Variants in NEURL1B observed in about 807,000 individuals in gnomAD.
NEURL1B encodes E3 ubiquitin-protein ligase NEURL1B.
A neutral mutation model predicts 37.4 loss-of-function variants in NEURL1B; 13 were observed. That is an observed-to-expected ratio of 0.35 (90% CI 0.23 to 0.55). The LOEUF is 0.55. Ranked by LOEUF, NEURL1B falls within the 20% of genes least tolerant of loss-of-function variation. The probability of loss-of-function intolerance (pLI) is 0.89; values close to 1 mark genes in which losing one functional copy is unlikely to be tolerated. For missense variants in NEURL1B, 790 were observed against 879.2 expected (o/e 0.90, Z 1.28); for synonymous variants, 432 against 426.6 (o/e 1.01, Z -0.16).
At chr5:172,667,461 A>G (rs1055344630) in intron 1 of NEURL1B, among the ~76,000 whole-genome samples, 6 of 151,878 alleles carry the variant, frequency 4.0e-5, no homozygotes, top group African/African-American at 1.5e-4. Context: ...AAAAAAGAAA[A>G]GATCCAAAAG....
intron 2 of NEURL1B, among the ~76,000 whole-genome samples, chr5:172,681,821 T>C (rs182888285): frequency 1.3e-5 from 2 of 152,370 alleles, no homozygotes; most frequent in Admixed American, 6.5e-5. Flanking sequence ...CAAGACACTA[T>C]AGAATGGTAA....
intron 1 of NEURL1B, among the ~76,000 whole-genome samples, chr5:172,662,453 T>A (rs1757920423): frequency 1.3e-5 from 2 of 152,202 alleles, no homozygotes; most frequent in Admixed American, 1.3e-4. Flanking sequence ...TTGGACTTGT[T>A]ATTTCCCATG....
At position 172,676,204 on chromosome 5, in the gene NEURL1B, C is replaced by T. The variant is rs1758230707; in HGVS notation, c.577+5874C>T. On this transcript the variant is annotated intron_variant, in intron 2 of 4. Coordinates refer to ENST00000369800, the MANE Select transcript of NEURL1B (RefSeq NM_001142651.3). This position sits in a 1 kb window ranked among gnomAD's most constrained non-coding sequence, Gnocchi z 4.5. ...TAATGTCTCATGTGGCTGAAAATTCCTGGGAATGGTTGCCTTTAAGCCTGG... is the reference window on the plus strand; with the variant it reads ...TAATGTCTCATGTGGCTGAAAATTCTTGGGAATGGTTGCCTTTAAGCCTGG... 6.6e-6 allele frequency among the ~76,000 whole-genome samples: 1 copy of T among 151,870 alleles called. No homozygotes were observed. The highest frequency in any genetic ancestry group is 1.5e-5 in the Non-Finnish European group (1 of 67,984).
At position 172,687,140 on chromosome 5, in the gene NEURL1B, A is replaced by G; in HGVS notation, c.*215A>G. On this transcript the variant is annotated 3_prime_UTR_variant, in exon 5 of 5. Transcript: ENST00000369800. ...TGCTTTGCCCCCAAAAGGCCGTCCC[A>G]AGAGCAAGCTCAGGAACTGCCTGGC... 1.8e-6 allele frequency: 1 copy of G among 570,820 alleles called. No individual in the cohort carries two copies. The highest frequency in any genetic ancestry group is 2.3e-5 in the South Asian group (1 of 43,638). The allele number at this position is 570,820 out of a possible 1,614,324, so 35.4% of individuals were successfully genotyped here. A position where few individuals can be genotyped will look rare whatever the true frequency, so the allele number is the denominator to read the frequency against.
Position 172,641,293 on chromosome 5 carries a change from C to T in NEURL1B, c.-114C>T, listed in dbSNP as rs898918808. 6.2e-6 allele frequency: 6 copies of T among 962,346 alleles called. No homozygotes were observed. In the East Asian group the frequency reaches 2.1e-4, roughly 34 times the overall value. 59.6% of individuals were successfully genotyped at this position (962,346 alleles called of 1,614,324 possible). On this transcript the variant is annotated 5_prime_UTR_variant, in exon 1 of 5. Transcript: ENST00000369800. This position sits in a 1 kb window ranked among gnomAD's most constrained non-coding sequence, Gnocchi z 6.4. ...CCCAGCTGCCGCCCGCCGGCTCGCC[C>T]GTGCAGCTGCGATGCCCCGGAGCGT...
chr5:172,673,364 G>A (rs1408530197), intron 2 of NEURL1B, among the ~76,000 whole-genome samples: 2 of 152,126 alleles, frequency 1.3e-5, no homozygotes, highest in Non-Finnish European at 2.9e-5. Flanking sequence ...TGAGCACTCT[G>A]AACTCCTTTC....
Position 172,647,312 on chromosome 5 carries a change from G to A in NEURL1B, c.31+5875G>A, listed in dbSNP as rs1241993565. ...CACGCTCACCTGGGCAGTGTCGCGG[G>A]GTGGTCCGAGCTTCTGCACACCTGC... On this transcript the variant is annotated intron_variant, in intron 1 of 4. Transcript: ENST00000369800. This position sits in a 1 kb window ranked among gnomAD's most constrained non-coding sequence, Gnocchi z 4.2. 2.0e-5 allele frequency among the ~76,000 whole-genome samples: 3 copies of A among 152,148 alleles called. No individual in the cohort carries two copies. In the East Asian group the frequency reaches 5.8e-4, roughly 29 times the overall value.
At chr5:172,685,702 G>A (rs574512252) in intron 3 of NEURL1B, among the ~76,000 whole-genome samples, 19 of 152,360 alleles carry the variant, frequency 1.2e-4, no homozygotes, top group African/African-American at 4.3e-4. Flanking sequence ...TTGCCTCTGT[G>A]TTGGCATCAC....
Position 172,683,413 on chromosome 5 carries a change from G to A in NEURL1B, c.578-6G>A, listed in dbSNP as rs765554936. The A allele has an allele frequency of 7.4e-6, 10 of 1,346,536 alleles. No homozygotes were observed. Among genetic ancestry groups the A allele is most frequent in the Non-Finnish European group, 9.6e-6 (10 of 1,043,038 alleles). The allele number at this position is 1,346,536 out of a possible 1,614,324, so 83.4% of individuals were successfully genotyped here. Reference sequence around the variant, plus strand: ...CCCCTCCATGTCCCTCCCTTTGTCCGCACAGAGAGCGCCTTCGCTGACACG... The same window carrying A: ...CCCCTCCATGTCCCTCCCTTTGTCCACACAGAGAGCGCCTTCGCTGACACG... On this transcript the variant is annotated splice_region_variant and splice_polypyrimidine_tract_variant and intron_variant, in intron 2 of 4. Coordinates refer to ENST00000369800, the MANE Select transcript of NEURL1B (RefSeq NM_001142651.3). This position sits in a 1 kb window ranked among gnomAD's most constrained non-coding sequence, Gnocchi z 5.6.
chr5:172,683,391 C>G lies in NEURL1B; in HGVS notation c.578-28C>G, dbSNP rs928994296. Reference sequence around the variant, plus strand: ...CCAGCCTGACGCGCGGCCTCTCCCCCTCCATGTCCCTCCCTTTGTCCGCAC... The same window carrying G: ...CCAGCCTGACGCGCGGCCTCTCCCCGTCCATGTCCCTCCCTTTGTCCGCAC... On this transcript the variant is annotated intron_variant, in intron 2 of 4. Coordinates refer to ENST00000369800, the MANE Select transcript of NEURL1B (RefSeq NM_001142651.3). The surrounding 1 kb of genome is among the most constrained non-coding windows in gnomAD (Gnocchi z 5.6). 2.3e-5 allele frequency: 30 copies of G among 1,297,654 alleles called. No homozygotes were observed. Among genetic ancestry groups the G allele is most frequent in the African/African-American group, 1.1e-4 (7 of 65,114 alleles). The allele number at this position is 1,297,654 out of a possible 1,614,324, so 80.4% of individuals were successfully genotyped here. A position where few individuals can be genotyped will look rare whatever the true frequency, so the allele number is the denominator to read the frequency against.
chr5:172,671,624 G>A (rs1479616005), intron 2 of NEURL1B, among the ~76,000 whole-genome samples: 1 of 152,238 alleles, frequency 6.6e-6, no homozygotes, highest in Non-Finnish European at 1.5e-5. Context: ...CATTGTTCCT[G>A]TATCAGTAGT....
At chr5:172,680,775 A>G (rs1758336154) in intron 2 of NEURL1B, among the ~76,000 whole-genome samples, 1 of 152,200 alleles carries the variant, frequency 6.6e-6, no homozygotes, top group South Asian at 2.1e-4. Context: ...TCAGTTTTGA[A>G]TGTTTTGTTC....
In NEURL1B at chr5:172,647,049, T is replaced by C. The variant is rs550558077; in HGVS notation, c.31+5612T>C. On this transcript the variant is annotated intron_variant, in intron 1 of 4. Transcript: ENST00000369800. The surrounding 1 kb of genome is among the most constrained non-coding windows in gnomAD (Gnocchi z 4.2). ...TCCCAACCGGGATAATGTGCTGTGT[T>C]TGCCAGCAGGGGCGTAGCATTTTCC... Among the ~76,000 whole-genome samples, 1 of 152,280 alleles carries C rather than the reference T, an allele frequency of 6.6e-6. No individual in the cohort carries two copies. Among genetic ancestry groups the C allele is most frequent in the Admixed American group, 6.5e-5 (1 of 15,300 alleles).
intron 2 of NEURL1B, 21 bp downstream of exon 2, chr5:172,670,351 C>A: frequency 7.5e-7 from 1 of 1,339,318 alleles, no homozygotes; most frequent in Non-Finnish European, 9.5e-7. Flanking sequence ...GGCGCGGCGC[C>A]CCCTGGGGAC....
intron 1 of NEURL1B, among the ~76,000 whole-genome samples, chr5:172,642,994 A>G (rs1008391855): frequency 1.3e-5 from 2 of 152,224 alleles, no homozygotes; most frequent in African/African-American, 2.4e-5. Context: ...TGTTTATACT[A>G]TTCTAGTAAA....
At position 172,676,474 on chromosome 5, in the gene NEURL1B, T is replaced by A. The variant is rs7713493; in HGVS notation, c.577+6144T>A. Among the ~76,000 whole-genome samples, 930 of 152,350 alleles carry A rather than the reference T, an allele frequency of 6.1e-3. 3 individuals are homozygous for A. The highest frequency in any genetic ancestry group is 0.021 in the African/African-American group (885 of 41,580). Reference sequence around the variant, plus strand: ...GGATCTGGCCTGGGTCACATGCCTATCCTTGAACCCATCTCCATGGCCAGG... The same window carrying A: ...GGATCTGGCCTGGGTCACATGCCTAACCTTGAACCCATCTCCATGGCCAGG... On this transcript the variant is annotated intron_variant, in intron 2 of 4. Transcript: ENST00000369800. This position sits in a 1 kb window ranked among gnomAD's most constrained non-coding sequence, Gnocchi z 4.5.
intron 1 of NEURL1B, among the ~76,000 whole-genome samples, chr5:172,668,036 C>T (rs1330351789): frequency 1.3e-5 from 2 of 152,044 alleles, no homozygotes; most frequent in African/African-American, 4.8e-5. Context: ...GGTCTCTGCT[C>T]CAAAGCCACT....
At chr5:172,651,181 C>T (rs1757656386) in intron 1 of NEURL1B, among the ~76,000 whole-genome samples, 1 of 152,186 alleles carries the variant, frequency 6.6e-6, no homozygotes, top group South Asian at 2.1e-4. Context: ...TTACAGCTTT[C>T]TTTTCAAACT....
chr5:172,676,153 GA>G lies in NEURL1B; in HGVS notation c.577+5838del, dbSNP rs201530945. 9.1e-3 allele frequency among the ~76,000 whole-genome samples: 1,194 copies of G among 131,326 alleles called. 11 individuals are homozygous for G. The highest frequency in any genetic ancestry group is 0.073 in the East Asian group (337 of 4,618). 86.2% of individuals were successfully genotyped at this position (131,326 alleles called of 152,430 possible). ...GAAACTCAGTTCAGTCTCACTTAAG[GA>G]AAAAAAAAAAAAAAGAGGAAGCATT... On this transcript the variant is annotated intron_variant, in intron 2 of 4. Transcript: ENST00000369800. The surrounding 1 kb of genome is among the most constrained non-coding windows in gnomAD (Gnocchi z 4.5).
Sources: allele counts gnomAD v4.1 joint callset (sites outside exome capture counted in the v4.1 genomes callset), GRCh38; gene constraint gnomAD v4.1.1; non-coding constraint Gnocchi (gnomAD v3.1); transcripts MANE v1.5; gene names NCBI Gene and HGNC (gene_info 2026-07-23, HGNC 2026-07-21).